The following ZNF654 variants were observed in gnomAD, a reference collection of about 807,000 sequenced individuals.
The protein encoded by ZNF654 is melanoma-associated antigen.
In ZNF654, 19 loss-of-function variants were observed where a neutral mutation model predicts 95.3. The observed-to-expected ratio is 0.20, with a 90% CI of 0.14 to 0.29. The LOEUF is 0.29. Among genes scored for constraint, ZNF654 ranks in the 10% least tolerant of loss-of-function variants. The pLI, the probability that ZNF654 is intolerant of heterozygous loss-of-function variation, is 1.00. For synonymous variants in ZNF654, 413 were observed against 457.9 expected (o/e 0.90, Z 1.25); for missense variants, 1,046 against 1,341.0 (o/e 0.78, Z 3.44).
Position 88,126,127 on chromosome 3 carries a change from C to A in ZNF654, c.415-7C>A. 6.7e-7 allele frequency: 1 copy of A among 1,493,674 alleles called. No individual in the cohort carries two copies. The highest frequency in any genetic ancestry group is 1.3e-5 in the South Asian group (1 of 77,858). The allele number at this position is 1,493,674 out of a possible 1,614,324, so 92.5% of individuals were successfully genotyped here. On this transcript the variant is annotated splice_polypyrimidine_tract_variant and splice_region_variant and intron_variant, in intron 3 of 8. Coordinates refer to ENST00000636215, the MANE Select transcript of ZNF654 (RefSeq NM_001350134.2). ...TTCACAGAGCCAAAATGATTTTTCT[C>A]TCCTAGGAATGCCAGAATCACCTCC... is the stretch of plus-strand genomic sequence containing the variant.
chr3:88,082,052 C>T (rs1690483237), intron 1 of ZNF654, among the ~76,000 whole-genome samples: 1 of 152,064 alleles, frequency 6.6e-6, no homozygotes, highest in African/African-American at 2.4e-5. Context: ...CAAATTCATA[C>T]AGGAGTGTAT....
intron 1 of ZNF654, among the ~76,000 whole-genome samples, chr3:88,065,637 T>A (rs1346799651): frequency 2.0e-5 from 3 of 152,156 alleles, no homozygotes; most frequent in African/African-American, 4.8e-5. Context: ...TTTAGTTTTT[T>A]AAAAATTAAA....
At chr3:88,084,844 G>C (rs1432454886) in intron 1 of ZNF654, among the ~76,000 whole-genome samples, 1 of 152,188 alleles carries the variant, frequency 6.6e-6, no homozygotes, top group Non-Finnish European at 1.5e-5. Context: ...GGTAGCCCAA[G>C]TGGATGCTAC....
intron 3 of ZNF654, among the ~76,000 whole-genome samples, chr3:88,114,899 G>C (rs1198603478): frequency 6.6e-6 from 1 of 152,176 alleles, no homozygotes; most frequent in Admixed American, 6.5e-5. Context: ...GTGACCAATA[G>C]TGATAAGTGA....
intron 2 of ZNF654, among the ~76,000 whole-genome samples, chr3:88,105,860 A>C (rs1704705822): frequency 6.6e-6 from 1 of 152,194 alleles, no homozygotes; most frequent in Non-Finnish European, 1.5e-5. Flanking sequence ...TAACAGTATT[A>C]AGAGGTGGGA....
At chr3:88,098,167 A>G (rs1285931121) in intron 2 of ZNF654, among the ~76,000 whole-genome samples, 18 of 152,088 alleles carry the variant, frequency 1.2e-4, no homozygotes, top group Admixed American at 1.0e-3. Context: ...CGATCCCACA[A>G]AAATACAAAC....
intron 2 of ZNF654, among the ~76,000 whole-genome samples, chr3:88,094,486 GTA>G (rs1703939087): frequency 1.3e-5 from 2 of 152,066 alleles, no homozygotes; most frequent in Admixed American, 1.3e-4. Flanking sequence ...ACCTACATTA[GTA>G]TTTATATCAG....
At chr3:88,077,661 T>G (rs1707885677) in intron 1 of ZNF654, among the ~76,000 whole-genome samples, 1 of 148,200 alleles carries the variant, frequency 6.7e-6, no homozygotes, top group South Asian at 2.2e-4. Flanking sequence ...AAATAACACA[T>G]AGGAAAGATA....
chr3:88,065,814 T>C (rs1236581574), intron 1 of ZNF654, among the ~76,000 whole-genome samples: 1 of 152,164 alleles, frequency 6.6e-6, no homozygotes, highest in African/African-American at 2.4e-5. Context: ...GCAACCTCCC[T>C]GTCCGGGGCT....
intron 2 of ZNF654, among the ~76,000 whole-genome samples, chr3:88,097,977 A>G (rs891902683): frequency 2.0e-5 from 3 of 152,194 alleles, no homozygotes; most frequent in African/African-American, 7.2e-5. Context: ...AGAAATAACT[A>G]AGATCAGAGC....
At chr3:88,064,849 A>C (rs1205898994) in intron 1 of ZNF654, among the ~76,000 whole-genome samples, 2 of 152,366 alleles carry the variant, frequency 1.3e-5, no homozygotes, top group Non-Finnish European at 2.9e-5. Context: ...GTCTCAAATT[A>C]GTTTTCTAGC....
chr3:88,107,923 G>A (rs560260412), intron 2 of ZNF654, among the ~76,000 whole-genome samples: 2 of 151,856 alleles, frequency 1.3e-5, no homozygotes, highest in Admixed American at 6.6e-5. Flanking sequence ...TGTGACTAAC[G>A]TTCTTTTGGC....
chr3:88,140,659 T>C lies in ZNF654; in HGVS notation c.2990T>C (p.Ile997Thr), dbSNP rs373492589. Reference sequence around the variant, plus strand: ...GTTTCATCAGATCCTGCTTTGAAAATTGATACAAACAGAATCAGGACAGAA... The same window carrying C: ...GTTTCATCAGATCCTGCTTTGAAAACTGATACAAACAGAATCAGGACAGAA... ...PLVSSDPALK[I>T]DTNRIRTENG... The change falls in exon 8 of 9, where the codon ATT becomes ACT. Residue 997 changes from isoleucine to threonine, a missense_variant. This residue lies in a region of ZNF654 where 495 missense variants were observed against 537.0 expected (regional missense o/e 0.92). Transcript: ENST00000636215. 2.0e-5 allele frequency: 32 copies of C among 1,613,574 alleles called. No individual in the cohort carries two copies. Among genetic ancestry groups the C allele is most frequent in the African/African-American group, 2.7e-5 (2 of 74,886 alleles).
intron 2 of ZNF654, among the ~76,000 whole-genome samples, chr3:88,096,365 G>A (rs1704059508): frequency 6.6e-6 from 1 of 152,076 alleles, no homozygotes; most frequent in South Asian, 2.1e-4. Flanking sequence ...GCACCGATTT[G>A]TGTGAGAGGG....
At chr3:88,073,907 G>T (rs1322943347) in intron 1 of ZNF654, among the ~76,000 whole-genome samples, 1 of 152,142 alleles carries the variant, frequency 6.6e-6, no homozygotes, top group African/African-American at 2.4e-5. Flanking sequence ...TCTCCTTTTA[G>T]TAATGTCTCA....
chr3:88,126,119 A>AT lies in ZNF654; in HGVS notation c.415-10dup. On this transcript the variant is annotated splice_polypyrimidine_tract_variant and intron_variant, in intron 3 of 8. Transcript: ENST00000636215. ...CCTTTAAATTCACAGAGCCAAAATG[A>AT]TTTTTCTCTCCTAGGAATGCCAGAA... The AT allele has an allele frequency of 1.4e-6, 2 of 1,466,694 alleles. No homozygotes were observed. The highest frequency in any genetic ancestry group is 1.8e-6 in the Non-Finnish European group (2 of 1,109,550). 90.9% of individuals were successfully genotyped at this position (1,466,694 alleles called of 1,614,324 possible).
intron 2 of ZNF654, among the ~76,000 whole-genome samples, chr3:88,100,742 T>C (rs1221715823): frequency 6.6e-6 from 1 of 151,234 alleles, no homozygotes; most frequent in African/African-American, 2.4e-5. Flanking sequence ...TTCTCACTCA[T>C]AGGTGGGAAT....
intron 2 of ZNF654, among the ~76,000 whole-genome samples, chr3:88,096,583 A>G (rs1452224393): frequency 6.6e-6 from 1 of 152,040 alleles, no homozygotes; most frequent in African/African-American, 2.4e-5. Context: ...TTCTTCCCAT[A>G]CTTTAAAGAA....
chr3:88,138,904 A>G lies in ZNF654; in HGVS notation c.1235A>G (p.Glu412Gly), dbSNP rs2042281325. The G allele has an allele frequency of 6.5e-6, 8 of 1,234,552 alleles. No individual in the cohort carries two copies. The highest frequency in any genetic ancestry group is 8.1e-6 in the Non-Finnish European group (8 of 989,814). 76.5% of individuals were successfully genotyped at this position (1,234,552 alleles called of 1,614,324 possible). The change falls in exon 8 of 9, where the codon GAA becomes GGA. Residue 412 changes from glutamate to glycine, a missense_variant. By Grantham distance (98) the Glu-to-Gly change is moderately conservative. Transcript: ENST00000636215. Reference sequence around the variant, plus strand: ...TCCTTAGAAGCGTATCGTACTGTTGAAGAGCTTTACAAACGTCCAGATGAA... The same window carrying G: ...TCCTTAGAAGCGTATCGTACTGTTGGAGAGCTTTACAAACGTCCAGATGAA... ...ERSLEAYRTV[E>G]ELYKRPDEEY...
Sources: allele counts gnomAD v4.1 joint callset (sites outside exome capture counted in the v4.1 genomes callset), GRCh38; gene constraint gnomAD v4.1.1; regional missense constraint gnomAD v4.1.1; transcripts MANE v1.5; gene names NCBI Gene and HGNC (gene_info 2026-07-23, HGNC 2026-07-21).